Variants in LRMDA observed in about 807,000 individuals in gnomAD.
The protein encoded by LRMDA is leucine rich melanocyte differentiation associated.
LRMDA carries 18 observed loss-of-function variants against 29.8 expected under a neutral mutation model. The ratio of observed to expected loss-of-function variants is 0.60; its 90% CI spans 0.42 to 0.90. LRMDA has a LOEUF of 0.90. LRMDA is among the 40% of genes least tolerant of loss of function. The probability of loss-of-function intolerance (pLI) is 0.00; values close to 1 mark genes in which losing one functional copy is unlikely to be tolerated. For synonymous variants in LRMDA, 125 were observed against 109.4 expected, an observed-to-expected ratio of 1.14 and a Z score of -0.89; for missense variants, 273 against 273.9, an observed-to-expected ratio of 1.00 and a Z score of 0.02.
chr10:75,528,526 G>T (rs1253169378), intron 2 of LRMDA, among the ~76,000 whole-genome samples: 1 of 152,204 alleles, frequency 6.6e-6, no homozygotes, highest in Non-Finnish European at 1.5e-5. Flanking sequence ...AGCAGGGGTT[G>T]AGAAGACATT....
chr10:76,059,417 T>C (rs1848668962), intron 5 of LRMDA, among the ~76,000 whole-genome samples: 2 of 152,168 alleles, frequency 1.3e-5, no homozygotes, highest in Admixed American at 6.5e-5. Context: ...CAGTGGAGAA[T>C]TGGCTTGGGG....
chr10:75,663,396 G>A (rs1453826741), intron 2 of LRMDA, among the ~76,000 whole-genome samples: 1 of 152,210 alleles, frequency 6.6e-6, no homozygotes, highest in Non-Finnish European at 1.5e-5. Context: ...TAACCAGTCT[G>A]AGGTGGGAGC....
At chr10:75,968,793 A>C (rs1846913219) in intron 2 of LRMDA, among the ~76,000 whole-genome samples, 1 of 152,202 alleles carries the variant, frequency 6.6e-6, no homozygotes, top group African/African-American at 2.4e-5. Context: ...AGAGCATGGA[A>C]TATGAAAAAA....
chr10:76,029,736 A>G (rs1197215997), intron 2 of LRMDA, among the ~76,000 whole-genome samples: 2 of 152,172 alleles, frequency 1.3e-5, no homozygotes, highest in African/African-American at 2.4e-5. Flanking sequence ...AGACCTAGTT[A>G]ACTATTAATA....
At chr10:76,531,844 G>A (rs1843237523) in intron 6 of LRMDA, among the ~76,000 whole-genome samples, 1 of 152,112 alleles carries the variant, frequency 6.6e-6, no homozygotes. Flanking sequence ...AAAAGTGTGT[G>A]TAGAATTGCT....
At chr10:76,189,755 A>G (rs1223892259) in intron 5 of LRMDA, among the ~76,000 whole-genome samples, 1 of 152,224 alleles carries the variant, frequency 6.6e-6, no homozygotes, top group Non-Finnish European at 1.5e-5. Context: ...GCCCTTCAGC[A>G]TACAGCTGGG....
chr10:76,202,183 A>G (rs1349541028), intron 5 of LRMDA, among the ~76,000 whole-genome samples: 1 of 152,160 alleles, frequency 6.6e-6, no homozygotes, highest in Non-Finnish European at 1.5e-5. Flanking sequence ...ATAAGAAGGG[A>G]TTGTTTTGGC....
At position 75,730,413 on chromosome 10, in the gene LRMDA, A is replaced by G. The variant is rs191041519; in HGVS notation, c.131+291919A>G. Among the ~76,000 whole-genome samples, 350 of 152,216 alleles carry G rather than the reference A, an allele frequency of 2.3e-3. 1 individual carries two copies. The highest frequency in any genetic ancestry group is 7.9e-3 in the African/African-American group (329 of 41,526). On this transcript the variant is annotated intron_variant, in intron 2 of 6. Coordinates refer to ENST00000611255, the MANE Select transcript of LRMDA (RefSeq NM_001305581.2). ...ACTGATCTGTCCCTCCCGACCCCCG[A>G]TGGTGCACAGACACTGGAGATCCTA...
intron 2 of LRMDA, among the ~76,000 whole-genome samples, chr10:75,551,196 G>T (rs1840139107): frequency 1.3e-5 from 2 of 149,252 alleles, no homozygotes; most frequent in East Asian, 2.0e-4. Context: ...ATTTGAGGAA[G>T]GATGTTCCAC....
At chr10:75,969,659 A>G (rs1324129421) in intron 2 of LRMDA, among the ~76,000 whole-genome samples, 1 of 152,314 alleles carries the variant, frequency 6.6e-6, no homozygotes, top group Admixed American at 6.5e-5. Flanking sequence ...CATCAGCCCA[A>G]TGCTTTAATT....
intron 2 of LRMDA, among the ~76,000 whole-genome samples, chr10:75,887,953 C>T (rs940128938): frequency 1.3e-5 from 2 of 152,154 alleles, no homozygotes; most frequent in African/African-American, 2.4e-5. Context: ...AACAAACATC[C>T]GATCTTTTTA....
At chr10:76,049,602 G>T (rs968329232) in intron 4 of LRMDA, among the ~76,000 whole-genome samples, 1 of 152,150 alleles carries the variant, frequency 6.6e-6, no homozygotes, top group Non-Finnish European at 1.5e-5. Context: ...GCTTGATATA[G>T]TTCCATTCTA....
chr10:76,442,058 T>C (rs1842309070), intron 6 of LRMDA, among the ~76,000 whole-genome samples: 1 of 152,232 alleles, frequency 6.6e-6, no homozygotes, highest in Non-Finnish European at 1.5e-5. Context: ...AGCATTTCTT[T>C]TTAATTTAAT....
chr10:75,657,591 C>A (rs1841693842), intron 2 of LRMDA, among the ~76,000 whole-genome samples: 1 of 152,144 alleles, frequency 6.6e-6, no homozygotes, highest in South Asian at 2.1e-4. Context: ...TCTCAGTTTT[C>A]TCATCTGTAA....
In LRMDA at chr10:76,007,964, A is replaced by G. The variant is rs16932802; in HGVS notation, c.132-28044A>G. Reference sequence around the variant, plus strand: ...GCAGCAAATGACTTCATCGTCAGAGATGATGAGTGTTCCGAACTGTGGGGA... The same window carrying G: ...GCAGCAAATGACTTCATCGTCAGAGGTGATGAGTGTTCCGAACTGTGGGGA... On this transcript the variant is annotated intron_variant, in intron 2 of 6. Transcript: ENST00000611255. Among the ~76,000 whole-genome samples the G allele has an allele frequency of 5.0e-3, 766 of 152,320 alleles. 35 individuals carry two copies. In the East Asian group the frequency reaches 0.11, roughly 22 times the overall value.
At chr10:76,119,204 T>C (rs997723215) in intron 5 of LRMDA, among the ~76,000 whole-genome samples, 2 of 152,000 alleles carry the variant, frequency 1.3e-5, no homozygotes, top group African/African-American at 4.8e-5. Context: ...ATTAGCTGCC[T>C]CTGTATCTCT....
intron 2 of LRMDA, among the ~76,000 whole-genome samples, chr10:75,637,435 G>A (rs1290901117): frequency 6.6e-6 from 1 of 152,186 alleles, no homozygotes; most frequent in Non-Finnish European, 1.5e-5. Flanking sequence ...AGAGGATAAA[G>A]AAGCAGCAGC....
At chr10:76,213,877 G>C (rs1250394650) in intron 5 of LRMDA, among the ~76,000 whole-genome samples, 3 of 150,816 alleles carry the variant, frequency 2.0e-5, no homozygotes, top group African/African-American at 7.5e-5. Context: ...TAATGGTAAT[G>C]CTTTTAAAAT....
chr10:75,457,094 C>G (rs913847438), intron 2 of LRMDA, among the ~76,000 whole-genome samples: 1 of 152,154 alleles, frequency 6.6e-6, no homozygotes, highest in African/African-American at 2.4e-5. Context: ...TTATGGCAAG[C>G]AAGGTGTTCT....
Sources: allele counts gnomAD v4.1 joint callset (sites outside exome capture counted in the v4.1 genomes callset), GRCh38; gene constraint gnomAD v4.1.1; transcripts MANE v1.5; gene names NCBI Gene and HGNC (gene_info 2026-07-23, HGNC 2026-07-21).